The following ANO2 variants were observed in gnomAD, a reference collection of about 807,000 sequenced individuals.
ANO2 encodes the protein anoctamin-2.
A neutral mutation model predicts 124.2 loss-of-function variants in ANO2; 101 were observed. That is an observed-to-expected ratio of 0.81 (90% CI 0.69 to 0.96). The LOEUF (loss-of-function observed/expected upper bound fraction) is 0.96, where lower values mean the gene tolerates loss of function less well. ANO2 is among the 40% of genes least tolerant of loss of function. The probability of loss-of-function intolerance (pLI) is 0.00; values close to 1 mark genes in which losing one functional copy is unlikely to be tolerated. For synonymous variants in ANO2, 486 were observed against 482.5 expected, an observed-to-expected ratio of 1.01 and a Z score of -0.09; for missense variants, 1,293 against 1,274.5, an observed-to-expected ratio of 1.01 and a Z score of -0.22.
chr12:5,632,881 C>G (rs1396013406), intron 16 of ANO2, among the ~76,000 whole-genome samples: 4 of 152,154 alleles, frequency 2.6e-5, no homozygotes, highest in Non-Finnish European at 5.9e-5. Context: ...TTCCTGCCCG[C>G]ACACTCAGCA....
intron 14 of ANO2, among the ~76,000 whole-genome samples, chr12:5,666,382 C>T (rs1291295458): frequency 6.6e-6 from 1 of 152,126 alleles, no homozygotes; most frequent in African/African-American, 2.4e-5. Flanking sequence ...TCTGCTCTTC[C>T]CAAAGGGGGC....
intron 1 of ANO2, among the ~76,000 whole-genome samples, chr12:5,931,369 A>C (rs12812404): frequency 4.6e-5 from 7 of 151,948 alleles, no homozygotes; most frequent in African/African-American, 9.6e-5. Flanking sequence ...ATCTCTGTTC[A>C]TTCATTGCAG....
intron 14 of ANO2, among the ~76,000 whole-genome samples, chr12:5,648,858 C>T (rs74553169): frequency 0.013 from 1,927 of 152,304 alleles, 45 homozygotes; most frequent in African/African-American, 0.044. Context: ...CGCTCCAGGG[C>T]CCCTGCTCTC....
At chr12:5,845,999 G>A (rs1464547487) in intron 4 of ANO2, among the ~76,000 whole-genome samples, 1 of 152,156 alleles carries the variant, frequency 6.6e-6, no homozygotes, top group Non-Finnish European at 1.5e-5. Flanking sequence ...AAGATAATTT[G>A]TTTTGAGTGG....
chr12:5,657,678 C>A (rs911645575), intron 14 of ANO2, among the ~76,000 whole-genome samples: 1 of 152,046 alleles, frequency 6.6e-6, no homozygotes, highest in African/African-American at 2.4e-5. Flanking sequence ...GGCTGAAGGT[C>A]TCTGGTTAAT....
intron 4 of ANO2, chr12:5,851,963 T>C (rs768550547): frequency 8.1e-6 from 6 of 740,554 alleles, no homozygotes; most frequent in Non-Finnish European, 1.5e-5. Context: ...TCACCTCCTT[T>C]CCAAGGATCA....
At chr12:5,785,652 C>G (rs73253301) in intron 10 of ANO2, among the ~76,000 whole-genome samples, 4,666 of 138,290 alleles carry the variant, frequency 0.034, 239 homozygotes, top group African/African-American at 0.12. Flanking sequence ...TTCCAGTCCT[C>G]TTGTACACAC....
Position 5,712,657 on chromosome 12 carries a change from G to A in ANO2, c.1545+19863C>T, listed in dbSNP as rs1466460302. On this transcript the variant is annotated intron_variant, in intron 14 of 24. Coordinates refer to ENST00000682330, the MANE Select transcript of ANO2 (RefSeq NM_001364791.2). ...GCAGTCACTTGTTGCAGCAGCCATG[G>A]GAGATGAATACAAGAGCCAAGAGCT... Among the ~76,000 whole-genome samples the A allele has an allele frequency of 2.0e-5, 3 of 152,186 alleles. No homozygotes were observed. The East Asian group carries it at 5.8e-4, about 29-fold the overall frequency.
chr12:5,807,356 A>G lies in ANO2; in HGVS notation c.905T>C (p.Leu302Pro), dbSNP rs752679741. Residue 302 changes from leucine (L) to proline (P), a missense_variant, in exon 8 of 25, where the codon CTG becomes CCG. Physicochemically the swap from Leu to Pro is moderately conservative, Grantham distance 98 (BLOSUM62 -3). Transcript: ENST00000682330. ...RANNTMGINS[L>P]IANNIYEAAY... ...AGCCTCATAGATATTGTTTGCGATC[A>G]GAGAGTTAATACCTACGGAAGAAAG... 2 of 1,557,120 alleles carry G rather than the reference A, an allele frequency of 1.3e-6. No individual in the cohort carries two copies. Among genetic ancestry groups the G allele is most frequent in the South Asian group, 2.4e-5 (2 of 84,046 alleles).
rs769233593 is a variant in ANO2 at position 5,916,491 on chromosome 12, T to TAAAAA, written c.534+4548_534+4549insTTTTT. ...CTCTGAATAGAAAAATCGCAGCAGG[T>TAAAAA]TAAAAAAAAAAAAAAAAAAAAAGGC... On this transcript the variant is annotated intron_variant, in intron 3 of 24. Transcript: ENST00000682330. Among the ~76,000 whole-genome samples, 34 of 98,120 alleles carry TAAAAA rather than the reference T, an allele frequency of 3.5e-4. 3 individuals carry two copies. The highest frequency in any genetic ancestry group is 4.6e-4 in the Non-Finnish European group (23 of 49,590). The allele number at this position is 98,120 out of a possible 152,430, so 64.4% of individuals were successfully genotyped here.
At position 5,732,315 on chromosome 12, in the gene ANO2, G is replaced by A. The variant is rs551784537; in HGVS notation, c.1545+205C>T. On this transcript the variant is annotated intron_variant, in intron 14 of 24. Coordinates refer to ENST00000682330, the MANE Select transcript of ANO2 (RefSeq NM_001364791.2). Reference sequence around the variant, plus strand: ...TTTTGACCAGATAGCACCGCTATCTGGAAAGAGAGGTCAAGTCATAGAGAA... The same window carrying A: ...TTTTGACCAGATAGCACCGCTATCTAGAAAGAGAGGTCAAGTCATAGAGAA... Among the ~76,000 whole-genome samples the A allele has an allele frequency of 7.9e-5, 12 of 152,170 alleles. No individual in the cohort carries two copies. The South Asian group carries it at 2.5e-3, about 32-fold the overall frequency.
At chr12:5,771,742 G>A (rs1222448998) in intron 10 of ANO2, among the ~76,000 whole-genome samples, 2 of 151,818 alleles carry the variant, frequency 1.3e-5, no homozygotes, top group East Asian at 1.9e-4. Context: ...ATTGCACCAC[G>A]GCACCCCAGA....
chr12:5,700,086 G>A (rs4930790), intron 14 of ANO2, among the ~76,000 whole-genome samples: 18,354 of 152,034 alleles, frequency 0.12, 1,241 homozygotes, highest in African/African-American at 0.19. Flanking sequence ...TGCACCAAGC[G>A]GACCTAATAG....
At chr12:5,791,678 C>A (rs905365635) in intron 10 of ANO2, among the ~76,000 whole-genome samples, 4 of 152,136 alleles carry the variant, frequency 2.6e-5, no homozygotes, top group African/African-American at 7.2e-5. Context: ...CTCTGGGAAG[C>A]CTTTACTTCA....
rs963673396 is a variant in ANO2 at position 5,635,643 on chromosome 12, T to C, written c.1621-296A>G. 2.0e-5 allele frequency among the ~76,000 whole-genome samples: 3 copies of C among 147,720 alleles called. No individual in the cohort carries two copies. The highest frequency in any genetic ancestry group is 7.8e-5 in the African/African-American group (3 of 38,238). On this transcript the variant is annotated intron_variant, in intron 15 of 24. Transcript: ENST00000682330. This position sits in a 1 kb window ranked among gnomAD's most constrained non-coding sequence, Gnocchi z 5.2. ...CACACACACACAATAAGGATGAACA[T>C]GCTGGACCCTGTGGAGTGTTCAACA...
At chr12:5,937,336 C>T (rs1172664385) in intron 1 of ANO2, among the ~76,000 whole-genome samples, 5 of 152,198 alleles carry the variant, frequency 3.3e-5, no homozygotes, top group African/African-American at 9.6e-5. Flanking sequence ...TTTCATATAC[C>T]TGTTGGCCAC....
chr12:5,790,285 C>T (rs754700572), intron 10 of ANO2, among the ~76,000 whole-genome samples: 1 of 152,166 alleles, frequency 6.6e-6, no homozygotes, highest in Admixed American at 6.5e-5. Context: ...GCTGGGAATA[C>T]GAGACCTGAA....
At chr12:5,755,502 C>A (rs1266833885) in intron 10 of ANO2, among the ~76,000 whole-genome samples, 1 of 151,896 alleles carries the variant, frequency 6.6e-6, no homozygotes, top group African/African-American at 2.4e-5. Flanking sequence ...GTGTGCTGCA[C>A]CCATTAACTC....
At chr12:5,792,963 G>A (rs546761234) in intron 10 of ANO2, among the ~76,000 whole-genome samples, 1 of 152,304 alleles carries the variant, frequency 6.6e-6, no homozygotes, top group East Asian at 1.9e-4. Context: ...TACCCCACCA[G>A]TGAGTCCCAA....
Sources: allele counts gnomAD v4.1 joint callset (sites outside exome capture counted in the v4.1 genomes callset), GRCh38; gene constraint gnomAD v4.1.1; non-coding constraint Gnocchi (gnomAD v3.1); transcripts MANE v1.5; gene names NCBI Gene and HGNC (gene_info 2026-07-23, HGNC 2026-07-21).